Variants in SMCO3 observed in about 807,000 individuals in gnomAD.
The protein encoded by SMCO3 is single-pass membrane and coiled-coil domain-containing protein 3.
In SMCO3, 6 loss-of-function variants were observed where a neutral mutation model predicts 12.0. That is an observed-to-expected ratio of 0.50 (90% CI 0.27 to 0.99). The LOEUF (loss-of-function observed/expected upper bound fraction) is 0.99, where lower values mean the gene tolerates loss of function less well. SMCO3 is among the 50% of genes least tolerant of loss of function. The pLI, the probability that SMCO3 is intolerant of heterozygous loss-of-function variation, is 0.11. For synonymous variants in SMCO3, 96 were observed against 96.4 expected (o/e 1.00, Z 0.02); for missense variants, 279 against 265.0 (o/e 1.05, Z -0.37).
intron 1 of SMCO3, among the ~76,000 whole-genome samples, chr12:14,809,272 G>A (rs1410336207): frequency 6.6e-6 from 1 of 152,174 alleles, no homozygotes; most frequent in Non-Finnish European, 1.5e-5. Context: ...CTTCCAAGTG[G>A]TCGGCTCCTT....
At chr12:14,813,670 C>T (rs4764124) in intron 1 of SMCO3, among the ~76,000 whole-genome samples, 77,454 of 151,886 alleles carry the variant, frequency 0.51, 20,224 homozygotes, top group African/African-American at 0.61. Context: ...TATTTAGATA[C>T]AACATAATTT....
At chr12:14,810,185 T>G (rs1950115126) in intron 1 of SMCO3, among the ~76,000 whole-genome samples, 1 of 152,180 alleles carries the variant, frequency 6.6e-6, no homozygotes, top group South Asian at 2.1e-4. Context: ...TGGGGAGGGT[T>G]TTCTTGTGCT....
chr12:14,808,388 A>T (rs985490137), intron 1 of SMCO3, among the ~76,000 whole-genome samples: 1 of 151,206 alleles, frequency 6.6e-6, no homozygotes, highest in African/African-American at 2.4e-5. Context: ...TTTAAATTAC[A>T]CTCTTGAGAG....
At chr12:14,810,457 T>C (rs1046232107) in intron 1 of SMCO3, among the ~76,000 whole-genome samples, 2 of 152,254 alleles carry the variant, frequency 1.3e-5, no homozygotes, top group African/African-American at 4.8e-5. Context: ...TAAGGTCATA[T>C]GCCAGCACCA....
intron 1 of SMCO3, among the ~76,000 whole-genome samples, chr12:14,812,200 T>C (rs1375536499): frequency 1.3e-5 from 2 of 152,142 alleles, no homozygotes; most frequent in Non-Finnish European, 2.9e-5. Flanking sequence ...ATCCGAGCAC[T>C]TTGGGAGGCC....
Position 14,814,146 on chromosome 12 carries a change from C to T in SMCO3, c.-37G>A, listed in dbSNP as rs551586422. The T allele has an allele frequency of 8.5e-5, 13 of 152,248 alleles. No homozygotes were observed. The highest frequency in any genetic ancestry group is 6.2e-4 in the South Asian group (3 of 4,824). 9.4% of individuals were successfully genotyped at this position (152,248 alleles called of 1,614,324 possible). On this transcript the variant is annotated 5_prime_UTR_variant, in exon 1 of 2. Transcript: ENST00000316048. ...CTTACCTTGCTGTGTTTCTGAGTTC[C>T]GTGGTCCTAGCAGTTGTTTAGGAGT...
Position 14,805,806 on chromosome 12 carries a change from CATCAGCTG to C in SMCO3, c.*189_*196del. On this transcript the variant is annotated 3_prime_UTR_variant, in exon 2 of 2. Coordinates refer to ENST00000316048, the MANE Select transcript of SMCO3 (RefSeq NM_001013698.2). ...AATTTTTTTACCTCACAGGGTCTAG[CATCAGCTG>C]ATCCAGGCATTGTTGACTCAAAACT... The C allele has an allele frequency of 1.6e-6, 1 of 630,160 alleles. No individual in the cohort carries two copies. Among genetic ancestry groups the C allele is most frequent in the South Asian group, 2.1e-5 (1 of 47,016 alleles). 39.0% of individuals were successfully genotyped at this position (630,160 alleles called of 1,614,324 possible).
rs67267692 is a variant in SMCO3 at position 14,805,554 on chromosome 12, G to A, written c.*449C>T. 0.16 allele frequency: 24,021 copies of A among 153,962 alleles called. 2,183 individuals are homozygous for A. The highest frequency in any genetic ancestry group is 0.2 in the Non-Finnish European group (14,061 of 69,380). The allele number at this position is 153,962 out of a possible 1,614,324, so 9.5% of individuals were successfully genotyped here. On this transcript the variant is annotated 3_prime_UTR_variant, in exon 2 of 2. Transcript: ENST00000316048. ...ATATGGTAGTATTTCTGTCTCATTC[G>A]AAGGCCTAGAGTTTGTGTCTAGGCA...
rs754424833 is a variant in SMCO3 at position 14,806,251 on chromosome 12, T to G, written c.430A>C (p.Ile144Leu). 2.2e-5 allele frequency: 35 copies of G among 1,614,118 alleles called. No individual in the cohort carries two copies. Among genetic ancestry groups the G allele is most frequent in the Non-Finnish European group, 2.7e-5 (32 of 1,180,042 alleles). The change falls in exon 2 of 2, where the codon ATA (isoleucine) becomes CTA (leucine). Residue 144 changes from isoleucine to leucine, a missense_variant. Coordinates refer to ENST00000316048, the MANE Select transcript of SMCO3 (RefSeq NM_001013698.2). Reference sequence around the variant, plus strand: ...AACACAGTGACCAACTTGTTAATTATGCCAGTTGTGACATTTGAGCCCACA... The same window carrying G: ...AACACAGTGACCAACTTGTTAATTAGGCCAGTTGTGACATTTGAGCCCACA... ...KLVGSNVTTG[I>L]INKLVTVLAQ...
At chr12:14,807,302 CTAGG>C (rs1950067494) in intron 1 of SMCO3, among the ~76,000 whole-genome samples, 1 of 152,138 alleles carries the variant, frequency 6.6e-6, no homozygotes, top group South Asian at 2.1e-4. Flanking sequence ...GTGATTATTT[CTAGG>C]TAATATTTAA....
At chr12:14,808,475 C>T (rs1177667582) in intron 1 of SMCO3, among the ~76,000 whole-genome samples, 2 of 151,894 alleles carry the variant, frequency 1.3e-5, no homozygotes, top group Non-Finnish European at 2.9e-5. Flanking sequence ...TAAATAATAT[C>T]GTAATTAATT....
rs370727838 is a variant in SMCO3, at chr12:14,806,005, A to G, written c.676T>C (p.Ter226ArgextTer24). 11 of 1,597,988 alleles carry G rather than the reference A, an allele frequency of 6.9e-6. No individual in the cohort carries two copies. The highest frequency in any genetic ancestry group is 1.7e-5 in the Admixed American group (1 of 57,838). Residue 226 changes from the stop codon to arginine (R), a stop_lost, in exon 2 of 2, where the codon TGA (stop) becomes CGA (arginine). Transcript: ENST00000316048. ...TCAGTGGCAAATAAAACGGCTGTTC[A>G]TTTCATTTGGTGTTTCACTGTATTG... The part of the protein sequence containing the change: ...VINTVKHQMK[*>R]
In SMCO3 at chr12:14,806,166, A is replaced by G; in HGVS notation, c.515T>C (p.Ile172Thr). The G allele has an allele frequency of 6.2e-7, 1 of 1,614,102 alleles. No homozygotes were observed. The highest frequency in any genetic ancestry group is 8.5e-7 in the Non-Finnish European group (1 of 1,180,030). ...SIGVAVLGLG[I>T]DMIVRAILGA... Reference sequence around the variant, plus strand: ...CAGGATGGCACGGACAATCATATCTATGCCAAGGCCAAGAACAGCAACTCC... The same window carrying G: ...CAGGATGGCACGGACAATCATATCTGTGCCAAGGCCAAGAACAGCAACTCC... Residue 172 changes from isoleucine to threonine, a missense_variant, in exon 2 of 2, where the codon ATA (isoleucine) becomes ACA (threonine). Coordinates refer to ENST00000316048, the MANE Select transcript of SMCO3 (RefSeq NM_001013698.2).
intron 1 of SMCO3, among the ~76,000 whole-genome samples, chr12:14,811,006 A>G (rs1188308278): frequency 6.6e-6 from 1 of 152,208 alleles, no homozygotes; most frequent in East Asian, 1.9e-4. Context: ...TCTCCATCTT[A>G]TTCCATTTTC....
intron 1 of SMCO3, among the ~76,000 whole-genome samples, chr12:14,811,777 G>C (rs547288951): frequency 1.1e-4 from 16 of 152,302 alleles, no homozygotes; most frequent in African/African-American, 3.9e-4. Context: ...CAACTCTTCA[G>C]GGTACTTTCG....
intron 1 of SMCO3, among the ~76,000 whole-genome samples, chr12:14,807,546 CA>C (rs1215673678): frequency 2.6e-5 from 4 of 152,168 alleles, no homozygotes; most frequent in Non-Finnish European, 5.9e-5. Context: ...ATATTCAAGT[CA>C]CTTTATATAT....
intron 1 of SMCO3, among the ~76,000 whole-genome samples, chr12:14,813,004 T>C (rs1193896239): frequency 6.6e-6 from 1 of 152,170 alleles, no homozygotes; most frequent in Non-Finnish European, 1.5e-5. Flanking sequence ...TGAAATGAAA[T>C]GGTCTCAGAG....
Position 14,806,565 on chromosome 12 carries a change from A to G in SMCO3, c.116T>C (p.Leu39Pro), listed in dbSNP as rs1950054490. The change falls in exon 2 of 2, where the codon CTG becomes CCG. Residue 39 changes from leucine (L) to proline (P), a missense_variant. Physicochemically the swap from Leu to Pro is moderately conservative, Grantham distance 98. Coordinates refer to ENST00000316048, the MANE Select transcript of SMCO3 (RefSeq NM_001013698.2). ...CAAGTGCATATTTAGAACCTCAGTC[A>G]GCTTATTGGTGACATCGAAGCTGTC... is the stretch of plus-strand genomic sequence containing the variant. ...LSDSFDVTNK[L>P]TEVLNMHLGC... The G allele has an allele frequency of 3.1e-6, 5 of 1,614,220 alleles. No homozygotes were observed. Among genetic ancestry groups the G allele is most frequent in the Non-Finnish European group, 4.2e-6 (5 of 1,180,050 alleles).
chr12:14,813,392 T>C (rs1950169998), intron 1 of SMCO3, among the ~76,000 whole-genome samples: 1 of 152,232 alleles, frequency 6.6e-6, no homozygotes, highest in Non-Finnish European at 1.5e-5. Context: ...TTCTAACTAG[T>C]TCTGAGTCTC....
Sources: gnomAD v4.1 joint callset for allele counts (sites outside exome capture counted in the v4.1 genomes callset) on GRCh38, gnomAD v4.1.1 for gene constraint, MANE v1.5 for transcripts, NCBI Gene and HGNC (gene_info 2026-07-23, HGNC 2026-07-21) for gene names.